The following MIB1 variants were observed in gnomAD, a reference collection of about 807,000 sequenced individuals.
MIB1 encodes E3 ubiquitin-protein ligase MIB1.
In MIB1, 278 loss-of-function variants were observed where a neutral mutation model predicts 124.5. The ratio of observed to expected loss-of-function variants is 2.23; its 90% confidence interval spans 2.02 to 2.47. MIB1 has a LOEUF of 2.47. MIB1 is among the 30% of genes most tolerant of loss of function. The pLI, the probability that MIB1 is intolerant of heterozygous loss-of-function variation, is 0.00. For missense variants in MIB1, 957 were observed against 1,254.4 expected, an observed-to-expected ratio of 0.76 and a Z score of 3.58; for synonymous variants, 446 against 429.4, an observed-to-expected ratio of 1.04 and a Z score of -0.48.
upstream of MIB1, among the ~76,000 whole-genome samples, chr18:21,739,228 C>T (rs2040814587): frequency 1.3e-5 from 2 of 152,152 alleles, no homozygotes; most frequent in South Asian, 4.1e-4. Context: ...TCTCCCAAGA[C>T]TAAACCAGGA....
chr18:21,707,012 T>C (rs1277862297), intron 1 of MIB1, among the ~76,000 whole-genome samples: 1 of 152,224 alleles, frequency 6.6e-6, no homozygotes, highest in Non-Finnish European at 1.5e-5. Flanking sequence ...CCTTTATGTC[T>C]AGCTAAGGGA....
intron 1 of MIB1, among the ~76,000 whole-genome samples, chr18:21,764,456 G>A (rs2041132850): frequency 6.6e-6 from 1 of 152,118 alleles, no homozygotes; most frequent in Admixed American, 6.5e-5. Context: ...GACCACTTTT[G>A]TACTCTAGTT....
rs61307449 is a variant in MIB1 at position 21,735,636 on chromosome 18, C to T, written n.168-30136C>T. ...CTAAGATCCACTGGCTTGAAATTCTCGCTGCTAGCACAGCAGTCTGAGGTT... is the reference window on the plus strand; with the variant it reads ...CTAAGATCCACTGGCTTGAAATTCTTGCTGCTAGCACAGCAGTCTGAGGTT... On this transcript the variant is annotated intron_variant and non_coding_transcript_variant, in intron 1 of 20. Coordinates refer to the MIB1 transcript ENST00000578646. Among the ~76,000 whole-genome samples the T allele has an allele frequency of 1.8e-3, 275 of 152,330 alleles. 4 individuals are homozygous for T. The East Asian group carries it at 0.037, about 21-fold the overall frequency.
At position 21,858,647 on chromosome 18, in the gene MIB1, GTAA is replaced by G. The variant is rs1244629405; in HGVS notation, c.2880+6_2880+8del. 6.0e-6 allele frequency: 9 copies of G among 1,491,798 alleles called. No individual in the cohort carries two copies. The highest frequency in any genetic ancestry group is 5.1e-5 in the Admixed American group (3 of 58,942). 92.4% of individuals were successfully genotyped at this position (1,491,798 alleles called of 1,614,324 possible). ...ACAGTTACAAGACATTAAAGAGCAG[GTAA>G]TAATGATTTCATGTAAACAGTGATG... On this transcript the variant is annotated splice_donor_variant and splice_donor_region_variant and intron_variant, in intron 20 of 20. Coordinates refer to ENST00000261537, the MANE Select transcript of MIB1 (RefSeq NM_020774.4). LOFTEE classifies it high-confidence loss of function.
chr18:21,811,414 C>T (rs1436535682), intron 10 of MIB1, among the ~76,000 whole-genome samples: 1 of 152,126 alleles, frequency 6.6e-6, no homozygotes, highest in Non-Finnish European at 1.5e-5. Context: ...GGTATTTGTT[C>T]ACCTGTGTTT....
Position 21,865,983 on chromosome 18 carries a change from A to G in MIB1, c.*1317A>G, listed in dbSNP as rs1274410843. 1 of 152,106 alleles carries G rather than the reference A, an allele frequency of 6.6e-6. No individual in the cohort carries two copies. The highest frequency in any genetic ancestry group is 2.4e-5 in the African/African-American group (1 of 41,410). The allele number at this position is 152,106 out of a possible 1,614,324, so 9.4% of individuals were successfully genotyped here. The stretch of plus-strand genomic sequence containing the variant: ...TCCTTTGTAATCTTATTGTCTCCTG[A>G]GTAAATATACACATAAATGTTTGGG... On this transcript the variant is annotated 3_prime_UTR_variant, in exon 21 of 21. Transcript: ENST00000261537.
chr18:21,853,612 C>T (rs1302867259), intron 18 of MIB1, among the ~76,000 whole-genome samples: 1 of 152,218 alleles, frequency 6.6e-6, no homozygotes, highest in Admixed American at 6.5e-5. Flanking sequence ...ACTTTCCTCA[C>T]TGCAGAAGAA....
intron 12 of MIB1, among the ~76,000 whole-genome samples, chr18:21,837,462 C>T (rs906126230): frequency 6.6e-6 from 1 of 152,200 alleles, no homozygotes; most frequent in African/African-American, 2.4e-5. Flanking sequence ...GAGCTGAGAT[C>T]GTGCCACTGC....
chr18:21,754,965 G>A lies in MIB1; in HGVS notation c.230-10807G>A, dbSNP rs376876777. On this transcript the variant is annotated intron_variant, in intron 1 of 20. Transcript: ENST00000261537. ...GGTCTACAGTATTTCTGACAACAAC[G>A]AAACTCTACTCTGCACCCTCCTCCG... 3.3e-5 allele frequency among the ~76,000 whole-genome samples: 5 copies of A among 152,224 alleles called. No homozygotes were observed. In the East Asian group the frequency reaches 7.7e-4, roughly 24 times the overall value.
intron 12 of MIB1, among the ~76,000 whole-genome samples, chr18:21,821,966 TC>T (rs1361564503): frequency 6.6e-6 from 1 of 152,208 alleles, no homozygotes; most frequent in African/African-American, 2.4e-5. Flanking sequence ...TATGTGCACT[TC>T]TGTCTTTCTC....
Position 21,846,995 on chromosome 18 carries a change from A to AT in MIB1, c.2265dup (p.Ala756CysfsTer10). On this transcript the variant is annotated frameshift_variant, in exon 16 of 21. Transcript: ENST00000261537. LOFTEE classifies it high-confidence loss of function. Reference sequence around the variant, plus strand: ...GGCAGAGAAGAAGAGTGCAGCATCTATTGCCTGTTTCTTGGCAGCCAATGG... The same window carrying AT: ...GGCAGAGAAGAAGAGTGCAGCATCTATTTGCCTGTTTCTTGGCAGCCAATGG... The AT allele has an allele frequency of 6.2e-7, 1 of 1,614,146 alleles. No individual in the cohort carries two copies. The highest frequency in any genetic ancestry group is 8.5e-7 in the Non-Finnish European group (1 of 1,180,012).
intron 11 of MIB1, among the ~76,000 whole-genome samples, chr18:21,816,251 A>G (rs901159584): frequency 2.0e-5 from 3 of 152,178 alleles, no homozygotes; most frequent in African/African-American, 4.8e-5. Flanking sequence ...TGGAAAATGT[A>G]TAGGATTTTA....
chr18:21,833,521 G>A (rs1458938707), intron 12 of MIB1, among the ~76,000 whole-genome samples: 2 of 152,108 alleles, frequency 1.3e-5, no homozygotes, highest in African/African-American at 2.4e-5. Context: ...AGCATTTATT[G>A]AACACCTAAT....
At chr18:21,747,118 G>GT (rs751013743) in intron 1 of MIB1, among the ~76,000 whole-genome samples, 21 of 152,142 alleles carry the variant, frequency 1.4e-4, no homozygotes, top group Non-Finnish European at 2.9e-4. Context: ...ATCACAAAAT[G>GT]TTTTTTATTA....
chr18:21,851,055 T>A (rs2042175342), intron 17 of MIB1, among the ~76,000 whole-genome samples: 1 of 152,136 alleles, frequency 6.6e-6, no homozygotes, highest in Admixed American at 6.6e-5. Context: ...CTCTGCCATA[T>A]TGGGTGTTGT....
rs1404472816 is a variant in MIB1, at chr18:21,863,227, T to G, written c.2881-1299T>G. 3.3e-5 allele frequency among the ~76,000 whole-genome samples: 5 copies of G among 152,236 alleles called. No individual in the cohort carries two copies. The East Asian group carries it at 9.6e-4, about 29-fold the overall frequency. ...AGGGCATGTTAGAGTGCTCTCTTAG[T>G]TCTGCCGTCCACGGACAGCGGTGTG... is the stretch of plus-strand genomic sequence containing the variant. On this transcript the variant is annotated intron_variant, in intron 20 of 20. Transcript: ENST00000261537.
At chr18:21,749,012 G>C (rs980150162) in intron 1 of MIB1, among the ~76,000 whole-genome samples, 5 of 152,016 alleles carry the variant, frequency 3.3e-5, no homozygotes, top group African/African-American at 1.2e-4. Context: ...AGATTGCCTG[G>C]ATTACAGGCA....
At chr18:21,803,163 A>G (rs1026258127) in intron 9 of MIB1, among the ~76,000 whole-genome samples, 2 of 152,000 alleles carry the variant, frequency 1.3e-5, no homozygotes, top group Non-Finnish European at 2.9e-5. Flanking sequence ...TTCTCCCTTT[A>G]TCTTTATGGA....
rs556421553 is a variant in MIB1 at position 21,791,859 on chromosome 18, A to G, written c.1092+302A>G. On this transcript the variant is annotated intron_variant, in intron 7 of 20. Coordinates refer to ENST00000261537, the MANE Select transcript of MIB1 (RefSeq NM_020774.4). ...CTTAACCCCAGAATGATATAGGTCT[A>G]TGCCCATCTGGTCTCTAGCAGTGCT... Among the ~76,000 whole-genome samples, 6 of 152,302 alleles carry G rather than the reference A, an allele frequency of 3.9e-5. No homozygotes were observed. In the South Asian group the frequency reaches 8.3e-4, roughly 21 times the overall value.
Sources: gnomAD v4.1 joint callset for allele counts (sites outside exome capture counted in the v4.1 genomes callset) on GRCh38, gnomAD v4.1.1 for gene constraint, MANE v1.5 for transcripts, NCBI Gene and HGNC (gene_info 2026-07-23, HGNC 2026-07-21) for gene names.